PRDM7: variants seen among roughly 807,000 people sequenced by gnomAD.
The protein encoded by PRDM7 is histone-lysine N-methyltransferase PRDM7.
In PRDM7, 52 loss-of-function variants were observed where a neutral mutation model predicts 64.3. The observed-to-expected ratio is 0.81, with a 90% confidence interval of 0.65 to 1.02. The LOEUF (loss-of-function observed/expected upper bound fraction) is 1.02. Among genes scored for constraint, PRDM7 ranks in the 50% least tolerant of loss-of-function variants. The pLI is 0.00. For synonymous variants in PRDM7, 192 were observed against 210.1 expected, an observed-to-expected ratio of 0.91 and a Z score of 0.74; for missense variants, 574 against 597.1, an observed-to-expected ratio of 0.96 and a Z score of 0.40.
chr16:90,059,953 G>C (rs781335568), intron 10 of PRDM7, among the ~76,000 whole-genome samples: 4 of 152,202 alleles, frequency 2.6e-5, no homozygotes, highest in Non-Finnish European at 5.9e-5. Context: ...TCACATGACA[G>C]CTAATTGAGA....
At chr16:90,074,132 T>C (rs568729929) in intron 4 of PRDM7, among the ~76,000 whole-genome samples, 36 of 151,644 alleles carry the variant, frequency 2.4e-4, no homozygotes, top group African/African-American at 7.7e-4. Context: ...CGGTGGCTCA[T>C]GCCTGTAATC....
chr16:90,072,553 G>C (rs1597692970), intron 4 of PRDM7, among the ~76,000 whole-genome samples: 1 of 152,198 alleles, frequency 6.6e-6, no homozygotes, highest in African/African-American at 2.4e-5. Flanking sequence ...CATAGAAACA[G>C]AATTGCAGTT....
In PRDM7 at chr16:90,058,299, G is replaced by T. The variant is rs2037713541; in HGVS notation, c.1469C>A (p.Pro490Gln). The change falls in exon 11 of 11, where the codon CCA becomes CAA. Residue 490 changes from proline (P) to glutamine (Q), a missense_variant. Coordinates refer to ENST00000449207, the MANE Select transcript of PRDM7 (RefSeq NM_001098173.2). ...KPKVKRSKKG[P>Q]NS The stretch of plus-strand genomic sequence containing the variant: ...GCCATGTCCTTTTATTCAAGAGTTT[G>T]GACCTTTCTTTGATCTCTTGACCTT... The T allele has an allele frequency of 6.2e-7, 1 of 1,614,162 alleles. No individual in the cohort carries two copies. Among genetic ancestry groups the T allele is most frequent in the African/African-American group, 1.3e-5 (1 of 75,026 alleles).
chr16:90,066,988 G>A, intron 4 of PRDM7, 78 bp from the exon 5 acceptor site: 2 of 1,259,482 alleles, frequency 1.6e-6, no homozygotes, highest in Non-Finnish European at 2.3e-6. Context: ...TTTTTGATAT[G>A]GAGTCTCCCT....
At chr16:90,071,667 C>T (rs2037958428) in intron 4 of PRDM7, among the ~76,000 whole-genome samples, 1 of 152,210 alleles carries the variant, frequency 6.6e-6, no homozygotes, top group South Asian at 2.1e-4. Context: ...TTAATCCATT[C>T]ATGAGGTTGG....
Position 90,058,037 on chromosome 16 carries a change from C to CT in PRDM7, c.*251dup, listed in dbSNP as rs2037709937. 1 of 1,611,588 alleles carries CT rather than the reference C, an allele frequency of 6.2e-7. No individual in the cohort carries two copies. Among genetic ancestry groups the CT allele is most frequent in the Non-Finnish European group, 8.5e-7 (1 of 1,178,228 alleles). On this transcript the variant is annotated 3_prime_UTR_variant, in exon 11 of 11. Transcript: ENST00000449207. The stretch of plus-strand genomic sequence containing the variant: ...TCTCTGCAGACGTAGGGCTTCCCCC[C>CT]TGTGTGTGTCCTTTGGTGTGTAATA...
chr16:90,067,625 C>T (rs796934953), intron 4 of PRDM7, among the ~76,000 whole-genome samples: 5 of 138,438 alleles, frequency 3.6e-5, no homozygotes, highest in Non-Finnish European at 6.0e-5. Flanking sequence ...GAGTCTCGCT[C>T]TGTCACCCAG....
Position 90,057,921 on chromosome 16 carries a change from G to T in PRDM7, c.*368C>A, listed in dbSNP as rs931030731. The T allele has an allele frequency of 6.4e-7, 1 of 1,573,040 alleles. No homozygotes were observed. The highest frequency in any genetic ancestry group is 1.1e-5 in the South Asian group (1 of 90,394). ...AGGACTGACTTCCGGCTAAAGCCCC[G>T]CTCACACTCTCTGCAGACATAAGGC... On this transcript the variant is annotated 3_prime_UTR_variant, in exon 11 of 11. Coordinates refer to ENST00000449207, the MANE Select transcript of PRDM7 (RefSeq NM_001098173.2).
chr16:90,058,643 C>T (rs1427313698), intron 10 of PRDM7, 109 bp from the exon 11 acceptor site: 1 of 1,327,232 alleles, frequency 7.5e-7, no homozygotes, highest in Non-Finnish European at 1.1e-6. Flanking sequence ...GTTAACAATG[C>T]AAGCTCTCTC....
chr16:90,074,879 TTAA>T, intron 4 of PRDM7, 34 bp downstream of exon 4: 1 of 1,588,326 alleles, frequency 6.3e-7, no homozygotes, highest in Non-Finnish European at 8.6e-7. Context: ...AACTCCGTCT[TTAA>T]AAAAAAAAAA....
Position 90,057,754 on chromosome 16 carries a change from C to A in PRDM7, c.*535G>T, listed in dbSNP as rs1487017630. The A allele has an allele frequency of 2.3e-6, 3 of 1,284,732 alleles. No homozygotes were observed. The African/African-American group carries it at 4.6e-5, about 20-fold the overall frequency. The allele number at this position is 1,284,732 out of a possible 1,614,324, so 79.6% of individuals were successfully genotyped here. ...GGGGTTAGCAGACTTTCGCTGAAGC[C>A]ACCTCAGAGCTGGGGTGTGCAAGTG... On this transcript the variant is annotated 3_prime_UTR_variant, in exon 11 of 11. Transcript: ENST00000449207.
intron 5 of PRDM7, among the ~76,000 whole-genome samples, chr16:90,064,401 GGTTTTGTTTTGTTTT>G (rs557278988): frequency 1.4e-5 from 2 of 142,530 alleles, no homozygotes; most frequent in African/African-American, 5.0e-5. Context: ...TGGCATACAT[GGTTTTGTTTTGTTTT>G]GTTTTGTTTT....
chr16:90,056,711 C>T lies in PRDM7; in HGVS notation c.*1578G>A, dbSNP rs971357738. ...CGTGAGAGGGTCGTGATCGATTGAGCAAGCAGGGGGTAGGTGACAGGGGCT... is the reference window on the plus strand; with the variant it reads ...CGTGAGAGGGTCGTGATCGATTGAGTAAGCAGGGGGTAGGTGACAGGGGCT... On this transcript the variant is annotated 3_prime_UTR_variant, in exon 11 of 11. Coordinates refer to ENST00000449207, the MANE Select transcript of PRDM7 (RefSeq NM_001098173.2). 3 of 152,180 alleles carry T rather than the reference C, an allele frequency of 2.0e-5. No homozygotes were observed. The highest frequency in any genetic ancestry group is 4.8e-5 in the African/African-American group (2 of 41,394). 9.4% of individuals were successfully genotyped at this position (152,180 alleles called of 1,614,324 possible).
chr16:90,056,847 C>T lies in PRDM7; in HGVS notation c.*1442G>A, dbSNP rs1457062073. 6.6e-6 allele frequency: 1 copy of T among 152,188 alleles called. No individual in the cohort carries two copies. The highest frequency in any genetic ancestry group is 1.5e-5 in the Non-Finnish European group (1 of 68,060). The allele number at this position is 152,188 out of a possible 1,614,324, so 9.4% of individuals were successfully genotyped here. A position where few individuals can be genotyped will look rare whatever the true frequency, so the allele number is the denominator to read the frequency against. ...AGGTCAGGGGTCGAATTTTAACTAC[C>T]AGGCTTAGGTCAGGCCGGCCCAGGC... On this transcript the variant is annotated 3_prime_UTR_variant, in exon 11 of 11. Coordinates refer to ENST00000449207, the MANE Select transcript of PRDM7 (RefSeq NM_001098173.2).
rs776429573 is a variant in PRDM7 at position 90,062,074 on chromosome 16, G to A, written c.729C>T (p.Pro243=). 3 of 1,614,250 alleles carry A rather than the reference G, an allele frequency of 1.9e-6. No individual in the cohort carries two copies. Among genetic ancestry groups the A allele is most frequent in the South Asian group, 1.1e-5 (1 of 91,088 alleles). The change falls in exon 8 of 11, where the codon CCC becomes CCT. Residue 243 remains proline (P), a synonymous_variant. Transcript: ENST00000449207. ...GHPNRSALSL[P]PGLRIGPSGI... is the part of the protein sequence containing the mutation. Reference sequence around the variant, plus strand: ...CTGATGGCCCAATTCTCAGCCCCGGGGGCAGACTGAGGGCTGAACGGTTGG... The same window carrying A: ...CTGATGGCCCAATTCTCAGCCCCGGAGGCAGACTGAGGGCTGAACGGTTGG...
intron 10 of PRDM7, among the ~76,000 whole-genome samples, chr16:90,059,107 C>A (rs368393018): frequency 6.6e-6 from 1 of 152,144 alleles, no homozygotes; most frequent in African/African-American, 2.4e-5. Context: ...TATCCTCATT[C>A]AAAAGGACAT....
intron 4 of PRDM7, among the ~76,000 whole-genome samples, chr16:90,067,779 A>G (rs1471825824): frequency 6.6e-6 from 1 of 150,540 alleles, no homozygotes; most frequent in African/African-American, 2.5e-5. Context: ...TTTAGTAGAG[A>G]TGGGGTTTCA....
intron 5 of PRDM7, among the ~76,000 whole-genome samples, chr16:90,065,394 A>G (rs1365582931): frequency 1.2e-4 from 2 of 16,066 alleles, no homozygotes; most frequent in Admixed American, 6.3e-4. Flanking sequence ...ACTCTGTCTG[A>G]AAAAAAAAAA....
chr16:90,057,965 C>T lies in PRDM7; in HGVS notation c.*324G>A, dbSNP rs2037708873. 6.2e-7 allele frequency: 1 copy of T among 1,602,524 alleles called. No homozygotes were observed. The highest frequency in any genetic ancestry group is 8.5e-7 in the Non-Finnish European group (1 of 1,172,508). On this transcript the variant is annotated 3_prime_UTR_variant, in exon 11 of 11. Transcript: ENST00000449207. ...ATAAGGCTTCTCCCCTGTGTGTGTC[C>T]TCTGGTGACTGAGGAGGTCTGACTT... is the stretch of plus-strand genomic sequence containing the variant.
Sources: gnomAD v4.1 joint callset for allele counts (sites outside exome capture counted in the v4.1 genomes callset) on GRCh38, gnomAD v4.1.1 for gene constraint, MANE v1.5 for transcripts, NCBI Gene and HGNC (gene_info 2026-07-23, HGNC 2026-07-21) for gene names.